DAW1: variants seen among roughly 807,000 people sequenced by gnomAD.
The protein encoded by DAW1 is dynein assembly factor with WD repeats 1, also known as dynein assembly factor with WD repeat domains 1.
A neutral mutation model predicts 56.5 loss-of-function variants in DAW1; 47 were observed. The ratio of observed to expected loss-of-function variants is 0.83; its 90% CI spans 0.66 to 1.06. DAW1 has a LOEUF of 1.06. Ranked by LOEUF, DAW1 falls within the 50% of genes least tolerant of loss-of-function variation. The pLI is 0.00. For synonymous variants in DAW1, 190 were observed against 179.0 expected, an observed-to-expected ratio of 1.06 and a Z score of -0.49; for missense variants, 505 against 499.3, an observed-to-expected ratio of 1.01 and a Z score of -0.11.
At chr2:227,894,906 A>C (rs1691371173) in intron 5 of DAW1, among the ~76,000 whole-genome samples, 3 of 152,216 alleles carry the variant, frequency 2.0e-5, no homozygotes, top group Admixed American at 6.5e-5. Context: ...TGTTGGTTGT[A>C]CTTTCAATTG....
chr2:227,904,998 G>T lies in DAW1; in HGVS notation c.718G>T (p.Asp240Tyr). The change falls in exon 8 of 13, where the codon GAT (aspartate) becomes TAT (tyrosine). Residue 240 changes from aspartate (D) to tyrosine (Y), a missense_variant. By Grantham distance (160) the Asp-to-Tyr change is radical. Transcript: ENST00000309931. The stretch of plus-strand genomic sequence containing the variant: ...AGACAGAATCATCACGGGGTCTTTT[G>T]ATCATACCGTTGTAGTGTGGGACGC... ...SGDRIITGSF[D>Y]HTVVVWDADT... 6.2e-7 allele frequency: 1 copy of T among 1,613,710 alleles called. No homozygotes were observed. Among genetic ancestry groups the T allele is most frequent in the South Asian group, 1.1e-5 (1 of 91,028 alleles).
intron 1 of DAW1, among the ~76,000 whole-genome samples, chr2:227,883,392 T>A (rs1691054123): frequency 6.6e-6 from 1 of 152,204 alleles, no homozygotes; most frequent in African/African-American, 2.4e-5. Context: ...ACTTAGTAGA[T>A]CAGTATTTTT....
intron 1 of DAW1, among the ~76,000 whole-genome samples, chr2:227,881,080 A>T (rs1488732090): frequency 2.6e-5 from 4 of 152,236 alleles, no homozygotes; most frequent in South Asian, 2.1e-4. Context: ...AAGAGATTTT[A>T]TAAAAAGCCC....
At position 227,905,420 on chromosome 2, in the gene DAW1, C is replaced by T. The variant is rs553671157; in HGVS notation, c.755+385C>T. Among the ~76,000 whole-genome samples, 249 of 152,224 alleles carry T rather than the reference C, an allele frequency of 1.6e-3. 1 individual carries two copies. Among genetic ancestry groups the T allele is most frequent in the Non-Finnish European group, 3.1e-3 (210 of 67,994 alleles). ...TAGTCCAAGAACTTCAATTTCCTTCCTAATGATTTTTGGTCCTAGTTGCTA... is the reference window on the plus strand; with the variant it reads ...TAGTCCAAGAACTTCAATTTCCTTCTTAATGATTTTTGGTCCTAGTTGCTA... On this transcript the variant is annotated intron_variant, in intron 8 of 12. Transcript: ENST00000309931.
Position 227,924,142 on chromosome 2 carries a change from C to A in DAW1, c.*174C>A. 1 of 714,200 alleles carries A rather than the reference C, an allele frequency of 1.4e-6. No homozygotes were observed. The highest frequency in any genetic ancestry group is 2.4e-6 in the Non-Finnish European group (1 of 424,432). The allele number at this position is 714,200 out of a possible 1,614,324, so 44.2% of individuals were successfully genotyped here. ...GACCATTAAACATGACAAAGTTATG[C>A]CACTCCAATATTATTATTTGATGGC... On this transcript the variant is annotated 3_prime_UTR_variant, in exon 13 of 13. Transcript: ENST00000309931.
chr2:227,910,429 G>T (rs1170469677), intron 10 of DAW1, among the ~76,000 whole-genome samples: 1 of 151,574 alleles, frequency 6.6e-6, no homozygotes, highest in Non-Finnish European at 1.5e-5. Context: ...CTATGATTAT[G>T]CCACTATAAT....
In DAW1 at chr2:227,909,278, G is replaced by A. The variant is rs946996444; in HGVS notation, c.973+2026G>A. Among the ~76,000 whole-genome samples the A allele has an allele frequency of 5.8e-4, 57 of 98,758 alleles. 1 individual carries two copies. The East Asian group carries it at 0.013, about 23-fold the overall frequency. The allele number at this position is 98,758 out of a possible 152,430, so 64.8% of individuals were successfully genotyped here. On this transcript the variant is annotated intron_variant, in intron 10 of 12. Coordinates refer to ENST00000309931, the MANE Select transcript of DAW1 (RefSeq NM_178821.3). ...TATCTATCTATCTATCTATCTGTCT[G>A]TCTGTCTGTCTCCTATTGGTTCTGT...
intron 10 of DAW1, among the ~76,000 whole-genome samples, chr2:227,916,402 A>G (rs1691953361): frequency 1.3e-5 from 2 of 152,116 alleles, no homozygotes; most frequent in South Asian, 4.1e-4. Flanking sequence ...AGTACATATG[A>G]TGCTGTTATG....
At chr2:227,891,131 A>C in intron 3 of DAW1, 124 bp from the exon 4 acceptor site, 1 of 806,372 alleles carries the variant, frequency 1.2e-6, no homozygotes, top group South Asian at 1.7e-5. Context: ...CTAAAGGTAA[A>C]TCAGATATTG....
At chr2:227,876,447 T>C in intron 1 of DAW1, 2 of 1,303,274 alleles carry the variant, frequency 1.5e-6, no homozygotes, top group Non-Finnish European at 2.0e-6. Context: ...TTCCAGTCTT[T>C]GGTGAGCCAA....
chr2:227,914,360 A>T (rs1364034496), intron 10 of DAW1, among the ~76,000 whole-genome samples: 1 of 152,068 alleles, frequency 6.6e-6, no homozygotes, highest in Non-Finnish European at 1.5e-5. Flanking sequence ...ACCACCTATG[A>T]TGCTATACTA....
At chr2:227,899,238 C>A (rs144537016) in intron 6 of DAW1, among the ~76,000 whole-genome samples, 1 of 152,190 alleles carries the variant, frequency 6.6e-6, no homozygotes, top group Non-Finnish European at 1.5e-5. Context: ...TTTAACAAAT[C>A]CCCAAGTTAT....
intron 1 of DAW1, among the ~76,000 whole-genome samples, chr2:227,875,474 C>T (rs528293820): frequency 6.6e-6 from 1 of 152,302 alleles, no homozygotes; most frequent in African/African-American, 2.4e-5. Flanking sequence ...CCACTTTCGA[C>T]TTTTCCCTCC....
chr2:227,910,332 G>A (rs1464858790), intron 10 of DAW1, among the ~76,000 whole-genome samples: 1 of 152,012 alleles, frequency 6.6e-6, no homozygotes, highest in Admixed American at 6.6e-5. Context: ...AATTAGTCAG[G>A]TGTGGTGGCA....
intron 1 of DAW1, among the ~76,000 whole-genome samples, chr2:227,873,058 A>G (rs1690794302): frequency 6.6e-6 from 1 of 152,058 alleles, no homozygotes; most frequent in Non-Finnish European, 1.5e-5. Flanking sequence ...GTCTACCCTC[A>G]CTATACTTCT....
In DAW1 at chr2:227,924,050, A is replaced by G; in HGVS notation, c.*82A>G. Reference sequence around the variant, plus strand: ...CTTCACAGACAGCAGCTCTCTTAATATTTCTTATACTTTCTCTTTTTCTGC... The same window carrying G: ...CTTCACAGACAGCAGCTCTCTTAATGTTTCTTATACTTTCTCTTTTTCTGC... On this transcript the variant is annotated 3_prime_UTR_variant, in exon 13 of 13. Coordinates refer to ENST00000309931, the MANE Select transcript of DAW1 (RefSeq NM_178821.3). 6.6e-7 allele frequency: 1 copy of G among 1,504,126 alleles called. No individual in the cohort carries two copies. Among genetic ancestry groups the G allele is most frequent in the South Asian group, 1.2e-5 (1 of 85,788 alleles). The allele number at this position is 1,504,126 out of a possible 1,614,324, so 93.2% of individuals were successfully genotyped here.
intron 10 of DAW1, chr2:227,912,180 TCTC>T: frequency 2.7e-6 from 1 of 369,586 alleles, no homozygotes; most frequent in Non-Finnish European, 5.3e-6. Context: ...TTCTGCCTCA[TCTC>T]CATGGTCAAC....
At chr2:227,884,022 G>A (rs1691068227) in intron 1 of DAW1, among the ~76,000 whole-genome samples, 1 of 152,190 alleles carries the variant, frequency 6.6e-6, no homozygotes, top group Admixed American at 6.5e-5. Context: ...AGGCAGTAGA[G>A]TAAGGTGGTT....
intron 1 of DAW1, among the ~76,000 whole-genome samples, chr2:227,872,952 T>C (rs1242979684): frequency 6.6e-6 from 1 of 152,150 alleles, no homozygotes; most frequent in Non-Finnish European, 1.5e-5. Flanking sequence ...GGATCTGAAT[T>C]CAAGATCTCC....
Sources: gnomAD v4.1 joint callset for allele counts (sites outside exome capture counted in the v4.1 genomes callset) on GRCh38, gnomAD v4.1.1 for gene constraint, MANE v1.5 for transcripts, NCBI Gene and HGNC (gene_info 2026-07-23, HGNC 2026-07-21) for gene names.